HPSE2: variants seen among roughly 807,000 people sequenced by gnomAD.
HPSE2 encodes the protein inactive heparanase-2.
In HPSE2, 38 loss-of-function variants were observed where a neutral mutation model predicts 60.5. The ratio of observed to expected loss-of-function variants is 0.63; its 90% CI spans 0.48 to 0.82. The LOEUF (loss-of-function observed/expected upper bound fraction) is 0.82, where lower values mean the gene tolerates loss of function less well. Ranked by LOEUF, HPSE2 falls within the 40% of genes least tolerant of loss-of-function variation. The pLI, the probability that HPSE2 is intolerant of heterozygous loss-of-function variation, is 0.00. For missense variants in HPSE2, 713 were observed against 740.4 expected (o/e 0.96, Z 0.43); for synonymous variants, 295 against 293.2 (o/e 1.01, Z -0.06).
intron 3 of HPSE2, among the ~76,000 whole-genome samples, chr10:98,982,731 A>T (rs1956236947): frequency 6.6e-6 from 1 of 152,148 alleles, no homozygotes; most frequent in Non-Finnish European, 1.5e-5. Flanking sequence ...AAGGAAAATA[A>T]ACTGTGCTTA....
chr10:98,892,393 T>C (rs1953360667), intron 3 of HPSE2, among the ~76,000 whole-genome samples: 1 of 152,206 alleles, frequency 6.6e-6, no homozygotes, highest in Non-Finnish European at 1.5e-5. Context: ...TGAATAAATA[T>C]TCTTTAATTT....
At chr10:98,467,966 C>T (rs991165430) in intron 11 of HPSE2, among the ~76,000 whole-genome samples, 11 of 152,252 alleles carry the variant, frequency 7.2e-5, no homozygotes, top group African/African-American at 2.7e-4. Flanking sequence ...CCCGCCACGA[C>T]TCGGCGCTGG....
At chr10:98,642,143 G>A (rs1351474083) in intron 6 of HPSE2, among the ~76,000 whole-genome samples, 2 of 152,034 alleles carry the variant, frequency 1.3e-5, no homozygotes, top group Non-Finnish European at 1.5e-5. Flanking sequence ...CTATTTGTGG[G>A]CTAATACTGT....
At chr10:99,094,536 ATATATTTTTTT>A (rs1843641399) in intron 3 of HPSE2, among the ~76,000 whole-genome samples, 3 of 20,476 alleles carry the variant, frequency 1.5e-4, no homozygotes, top group East Asian at 3.5e-3. Flanking sequence ...ATATATATAT[ATATATTTTTTT>A]TTTTTTTTTT....
chr10:98,769,507 A>AACAAG (rs1442451990), intron 3 of HPSE2, among the ~76,000 whole-genome samples: 5 of 152,246 alleles, frequency 3.3e-5, no homozygotes, highest in Non-Finnish European at 7.3e-5. Context: ...AGTAACAAGT[A>AACAAG]TAACACTTCT....
At chr10:98,805,956 A>G (rs1201886270) in intron 3 of HPSE2, among the ~76,000 whole-genome samples, 3 of 152,194 alleles carry the variant, frequency 2.0e-5, no homozygotes, top group East Asian at 1.9e-4. Flanking sequence ...CAAAATCTAT[A>G]TAGAGAATGT....
intron 9 of HPSE2, among the ~76,000 whole-genome samples, chr10:98,513,253 T>A (rs940137697): frequency 1.3e-5 from 2 of 152,174 alleles, no homozygotes; most frequent in Non-Finnish European, 2.9e-5. Flanking sequence ...CTTTAGGTAA[T>A]AAACTTTGAA....
chr10:98,604,085 C>T (rs1245081068), intron 9 of HPSE2, among the ~76,000 whole-genome samples: 2 of 152,082 alleles, frequency 1.3e-5, no homozygotes, highest in Non-Finnish European at 2.9e-5. Context: ...TTACCTGATA[C>T]ATCACAGCTA....
At chr10:99,071,936 C>T (rs1419103016) in intron 3 of HPSE2, among the ~76,000 whole-genome samples, 3 of 151,744 alleles carry the variant, frequency 2.0e-5, no homozygotes, top group Admixed American at 2.0e-4. Flanking sequence ...ATATGTCTGT[C>T]TGTATGCCAG....
chr10:99,065,330 GTT>G (rs1263019802), intron 3 of HPSE2, among the ~76,000 whole-genome samples: 1 of 152,092 alleles, frequency 6.6e-6, no homozygotes, highest in Non-Finnish European at 1.5e-5. Flanking sequence ...TCTGCACCCA[GTT>G]TGCCTTTGGT....
intron 9 of HPSE2, among the ~76,000 whole-genome samples, chr10:98,523,109 T>TTTTG (rs148284297): frequency 2.6e-5 from 4 of 151,566 alleles, no homozygotes; most frequent in South Asian, 2.1e-4. Flanking sequence ...TTTTGTTTTG[T>TTTTG]TTTGTTTGTT....
chr10:99,117,432 A>C lies in HPSE2; in HGVS notation c.610+26806T>G, dbSNP rs1844747857. ...TTGTTTTTTTGAAAAAAAAAAAAAA[A>C]AAAAAAAAAAAAAAAAACTAATAAA... On this transcript the variant is annotated intron_variant, in intron 3 of 11. Coordinates refer to ENST00000370552, the MANE Select transcript of HPSE2 (RefSeq NM_021828.5). Among the ~76,000 whole-genome samples, 3 of 134,332 alleles carry C rather than the reference A, an allele frequency of 2.2e-5. No homozygotes were observed. In the South Asian group the frequency reaches 6.5e-4, roughly 29 times the overall value. The allele number at this position is 134,332 out of a possible 152,430, so 88.1% of individuals were successfully genotyped here.
At chr10:99,125,368 G>A (rs1291855252) in intron 3 of HPSE2, among the ~76,000 whole-genome samples, 2 of 152,198 alleles carry the variant, frequency 1.3e-5, no homozygotes, top group Non-Finnish European at 2.9e-5. Context: ...TTTATGGCAT[G>A]GGAGAGGCCA....
chr10:99,140,614 C>A (rs1050890042), intron 3 of HPSE2, among the ~76,000 whole-genome samples: 49 of 152,140 alleles, frequency 3.2e-4, no homozygotes, highest in African/African-American at 1.2e-3. Context: ...TTATGTTTTT[C>A]ATTTGATTAC....
intron 3 of HPSE2, among the ~76,000 whole-genome samples, chr10:98,839,389 T>C (rs1172286644): frequency 6.6e-6 from 1 of 152,182 alleles, no homozygotes; most frequent in Non-Finnish European, 1.5e-5. Context: ...AAGAAATATA[T>C]TGTAGAAAGG....
At chr10:98,836,814 G>A (rs1951800208) in intron 3 of HPSE2, among the ~76,000 whole-genome samples, 1 of 152,192 alleles carries the variant, frequency 6.6e-6, no homozygotes, top group Admixed American at 6.5e-5. Context: ...GCCAAGGCAG[G>A]TGGATCATGA....
At chr10:99,157,557 A>G (rs1427597789) in intron 2 of HPSE2, among the ~76,000 whole-genome samples, 60 of 131,218 alleles carry the variant, frequency 4.6e-4, no homozygotes, top group African/African-American at 1.4e-3. Flanking sequence ...ATATGTAGAA[A>G]GCTGAAACTG....
At chr10:98,555,694 A>C (rs1481528540) in intron 9 of HPSE2, among the ~76,000 whole-genome samples, 1 of 152,228 alleles carries the variant, frequency 6.6e-6, no homozygotes, top group Non-Finnish European at 1.5e-5. Flanking sequence ...GAAAAGCTAT[A>C]AATTTTGGTT....
At chr10:99,035,213 C>T (rs1254285109) in intron 3 of HPSE2, among the ~76,000 whole-genome samples, 1 of 152,154 alleles carries the variant, frequency 6.6e-6, no homozygotes, top group South Asian at 2.1e-4. Context: ...AAAACACGAA[C>T]AAAAAATATA....
Sources: allele counts gnomAD v4.1 joint callset (sites outside exome capture counted in the v4.1 genomes callset), GRCh38; gene constraint gnomAD v4.1.1; transcripts MANE v1.5; gene names NCBI Gene and HGNC (gene_info 2026-07-23, HGNC 2026-07-21).